The following LAMC2 variants were observed in gnomAD, a reference collection of about 807,000 sequenced individuals.
LAMC2 encodes laminin subunit gamma-2.
A neutral mutation model predicts 140.2 loss-of-function variants in LAMC2; 97 were observed. The observed-to-expected ratio is 0.69, with a 90% confidence interval of 0.59 to 0.82. The LOEUF (loss-of-function observed/expected upper bound fraction) is 0.82, where lower values mean the gene tolerates loss of function less well. Among genes scored for constraint, LAMC2 ranks in the 40% least tolerant of loss-of-function variants. The pLI, the probability that LAMC2 is intolerant of heterozygous loss-of-function variation, is 0.00. For synonymous variants in LAMC2, 513 were observed against 540.2 expected (o/e 0.95, Z 0.70); for missense variants, 1,402 against 1,476.1 (o/e 0.95, Z 0.82).
chr1:183,208,199 AG>A (rs1658958243), intron 2 of LAMC2, 130 bp downstream of exon 2: 2 of 891,390 alleles, frequency 2.2e-6, no homozygotes, highest in Non-Finnish European at 3.7e-6. Flanking sequence ...GAAAGCAAGC[AG>A]GCCAAGAGGG....
intron 1 of LAMC2, among the ~76,000 whole-genome samples, chr1:183,196,814 C>T (rs1284281381): frequency 6.6e-6 from 1 of 152,120 alleles, no homozygotes; most frequent in Non-Finnish European, 1.5e-5. Flanking sequence ...TGTGTCTGCC[C>T]ACCATGATGG....
In LAMC2 at chr1:183,244,603, G is replaced by C. The variant is rs1660204430; in HGVS notation, c.*1203G>C. Reference sequence around the variant, plus strand: ...GTGGTGTTTATTGCAATAACCGCTTGGTTTGCAACCTCTTTGCTCAACAGA... The same window carrying C: ...GTGGTGTTTATTGCAATAACCGCTTCGTTTGCAACCTCTTTGCTCAACAGA... On this transcript the variant is annotated 3_prime_UTR_variant, in exon 23 of 23. Coordinates refer to ENST00000264144, the MANE Select transcript of LAMC2 (RefSeq NM_005562.3). The C allele has an allele frequency of 2.0e-5, 3 of 152,600 alleles. No homozygotes were observed. Among genetic ancestry groups the C allele is most frequent in the African/African-American group, 7.2e-5 (3 of 41,438 alleles). The allele number at this position is 152,600 out of a possible 1,614,324, so 9.5% of individuals were successfully genotyped here. A position where few individuals can be genotyped will look rare whatever the true frequency, so the allele number is the denominator to read the frequency against.
At chr1:183,235,833 A>G in intron 16 of LAMC2, 103 bp downstream of exon 16, 1 of 1,176,160 alleles carries the variant, frequency 8.5e-7, no homozygotes, top group East Asian at 2.5e-5. Context: ...TAAAAAACAT[A>G]TTATTAATGA....
At chr1:183,206,833 G>A (rs1193637311) in intron 1 of LAMC2, among the ~76,000 whole-genome samples, 1 of 152,208 alleles carries the variant, frequency 6.6e-6, no homozygotes, top group Non-Finnish European at 1.5e-5. Flanking sequence ...GAGACAGCCT[G>A]TGTAGGGAAG....
chr1:183,209,982 TATATG>T (rs1659023897), intron 2 of LAMC2, among the ~76,000 whole-genome samples: 1 of 152,182 alleles, frequency 6.6e-6, no homozygotes, highest in African/African-American at 2.4e-5. Context: ...ATTTATGTCT[TATATG>T]ATAGTTAACA....
chr1:183,240,080 A>G lies in LAMC2; in HGVS notation c.3110A>G (p.Asp1037Gly). Residue 1037 changes from aspartate (D) to glycine (G), a missense_variant, in exon 21 of 23, where the codon GAT (aspartate) becomes GGT (glycine). This residue lies in a region of LAMC2 where 670 missense variants were observed against 667.2 expected (regional missense o/e 1.00). Coordinates refer to ENST00000264144, the MANE Select transcript of LAMC2 (RefSeq NM_005562.3). ...SLNLEANVTA[D>G]GALAMEKGLA... ...AACTTGGAAGCCAATGTGACAGCAG[A>G]TGGAGCCTTGGCCATGGAAAAGGGA... 1 of 1,614,142 alleles carries G rather than the reference A, an allele frequency of 6.2e-7. No homozygotes were observed. The highest frequency in any genetic ancestry group is 8.5e-7 in the Non-Finnish European group (1 of 1,180,016).
At chr1:183,208,356 C>T (rs1658965898) in intron 2 of LAMC2, among the ~76,000 whole-genome samples, 1 of 152,162 alleles carries the variant, frequency 6.6e-6, no homozygotes, top group Non-Finnish European at 1.5e-5. Context: ...AATTCTAATA[C>T]AAAGAGTCAC....
the LAMC2 span, among the ~76,000 whole-genome samples, chr1:183,254,418 TTTTG>T: frequency 0.13 from 20,167 of 151,812 alleles, 1,361 homozygotes; most frequent in East Asian, 0.19. Context: ...TCTTCTGGTG[TTTTG>T]TTTGTTTGTT....
rs1237142919 is a variant in LAMC2, at chr1:183,209,274, A to T, written c.268+1205A>T. Among the ~76,000 whole-genome samples, 3 of 152,290 alleles carry T rather than the reference A, an allele frequency of 2.0e-5. No homozygotes were observed. In the East Asian group the frequency reaches 5.8e-4, roughly 29 times the overall value. ...CACTTAAAGCATACAGCCTTATTGC[A>T]TGGCAATGACTTAGTGTAGTAGGTC... On this transcript the variant is annotated intron_variant, in intron 2 of 22. Transcript: ENST00000264144.
intron 1 of LAMC2, among the ~76,000 whole-genome samples, chr1:183,198,433 G>T (rs1054089666): frequency 2.6e-5 from 4 of 152,086 alleles, no homozygotes; most frequent in Admixed American, 2.6e-4. Context: ...GTGAGCCACC[G>T]TGCCGGGCTG....
chr1:183,189,775 A>G (rs1393276934), intron 1 of LAMC2, among the ~76,000 whole-genome samples: 1 of 152,212 alleles, frequency 6.6e-6, no homozygotes, highest in Non-Finnish European at 1.5e-5. Flanking sequence ...GGCAGTAATA[A>G]CTGGTGTTCA....
At position 183,234,324 on chromosome 1, in the gene LAMC2, A is replaced by AGCCTTAACCGATTC. The variant is rs538213684; in HGVS notation, c.2221-28_2221-15dup. ...GCTTAAGTTCCATGGCCAAGTGCAAAGCCTTAACCGATTCGCCTTAACCGA... is the reference window on the plus strand; with the variant it reads ...GCTTAAGTTCCATGGCCAAGTGCAAAGCCTTAACCGATTCGCCTTAACCGATTCGCCTTAACCGA... On this transcript the variant is annotated intron_variant, in intron 14 of 22. Coordinates refer to ENST00000264144, the MANE Select transcript of LAMC2 (RefSeq NM_005562.3). 214 of 1,509,294 alleles carry AGCCTTAACCGATTC rather than the reference A, an allele frequency of 1.4e-4. 2 individuals carry two copies. The South Asian group carries it at 2.3e-3, about 16-fold the overall frequency. The allele number at this position is 1,509,294 out of a possible 1,614,324, so 93.5% of individuals were successfully genotyped here.
At chr1:183,238,231 G>A (rs1660024479) in intron 18 of LAMC2, 76 bp from the exon 19 acceptor site, 1 of 1,039,772 alleles carries the variant, frequency 9.6e-7, no homozygotes, top group Non-Finnish European at 1.5e-6. Flanking sequence ...CTGCTGTCAT[G>A]AAGAGAAATG....
Position 183,234,389 on chromosome 1 carries a change from A to G in LAMC2, c.2243A>G (p.Tyr748Cys). 1 of 1,614,112 alleles carries G rather than the reference A, an allele frequency of 6.2e-7. No individual in the cohort carries two copies. The highest frequency in any genetic ancestry group is 8.5e-7 in the Non-Finnish European group (1 of 1,179,958). ...CAGAACATTCCTGCCTCAGACCACT[A>G]CGTGGGGCCAAATGGCTTTAAAAGT... ...GNTNIPASDH[Y>C]VGPNGFKSLA... Residue 748 changes from tyrosine (Y) to cysteine (C), a missense_variant, in exon 15 of 23, where the codon TAC (tyrosine) becomes TGC (cysteine). This residue lies in a region of LAMC2 where 670 missense variants were observed against 667.2 expected (regional missense o/e 1.00). Transcript: ENST00000264144.
intron 11 of LAMC2, 134 bp from the exon 12 acceptor site, chr1:183,230,827 G>A (rs1659776747): frequency 1.0e-6 from 1 of 1,000,342 alleles, no homozygotes. Context: ...AGACCTATCT[G>A]TATTAAGAAG....
At chr1:183,235,170 C>A (rs1274961762) in intron 15 of LAMC2, among the ~76,000 whole-genome samples, 1 of 152,056 alleles carries the variant, frequency 6.6e-6, no homozygotes, top group Non-Finnish European at 1.5e-5. Flanking sequence ...ATGCTTTGTC[C>A]CCCTAGTGGT....
At chr1:183,218,549 A>G in intron 4 of LAMC2, 61 bp downstream of exon 4, 2 of 1,210,556 alleles carry the variant, frequency 1.7e-6, no homozygotes, top group Admixed American at 1.9e-5. Flanking sequence ...TAGCATGAGA[A>G]TTAATCCTCC....
intron 1 of LAMC2, among the ~76,000 whole-genome samples, chr1:183,189,913 T>C (rs1658273778): frequency 6.6e-6 from 1 of 152,202 alleles, no homozygotes; most frequent in Non-Finnish European, 1.5e-5. Flanking sequence ...AGATCACTAA[T>C]TTGGTTTTTC....
Position 183,186,661 on chromosome 1 carries a change from A to G in LAMC2, c.79+230A>G, listed in dbSNP as rs563770033. 1.9e-4 allele frequency among the ~76,000 whole-genome samples: 29 copies of G among 152,322 alleles called. No individual in the cohort carries two copies. The South Asian group carries it at 5.8e-3, about 30-fold the overall frequency. ...TAGTAAGACAATAAGCTGTGACAAAAGAGGGTCTTCCTTACCTTAAAAATG... is the reference window on the plus strand; with the variant it reads ...TAGTAAGACAATAAGCTGTGACAAAGGAGGGTCTTCCTTACCTTAAAAATG... On this transcript the variant is annotated intron_variant, in intron 1 of 22. Coordinates refer to ENST00000264144, the MANE Select transcript of LAMC2 (RefSeq NM_005562.3).
Sources: allele counts gnomAD v4.1 joint callset (sites outside exome capture counted in the v4.1 genomes callset), GRCh38; gene constraint gnomAD v4.1.1; regional missense constraint gnomAD v4.1.1; transcripts MANE v1.5; gene names NCBI Gene and HGNC (gene_info 2026-07-23, HGNC 2026-07-21).